The following UBXN11 variants were observed in gnomAD, a reference collection of about 807,000 sequenced individuals.
UBXN11 encodes the protein UBX domain protein 11.
In UBXN11, 47 loss-of-function variants were observed where a neutral mutation model predicts 62.8. The ratio of observed to expected loss-of-function variants is 0.75; its 90% CI spans 0.59 to 0.95. The LOEUF (loss-of-function observed/expected upper bound fraction) is 0.95. Among genes scored for constraint, UBXN11 ranks in the 40% least tolerant of loss-of-function variants. The probability of loss-of-function intolerance (pLI) is 0.00; values close to 1 mark genes in which losing one functional copy is unlikely to be tolerated. For synonymous variants in UBXN11, 294 were observed against 267.0 expected (o/e 1.10, Z -0.99); for missense variants, 638 against 661.7 (o/e 0.96, Z 0.39).
intron 3 of UBXN11, 91 bp from the exon 4 acceptor site, chr1:26,301,115 G>A (rs2073523705): frequency 6.3e-7 from 1 of 1,599,274 alleles, no homozygotes; most frequent in African/African-American, 1.3e-5. Context: ...CGCGGCCTAT[G>A]CACTGTGCCC....
upstream of UBXN11, among the ~76,000 whole-genome samples, chr1:26,310,675 C>T (rs2124680423): frequency 6.7e-6 from 1 of 148,790 alleles, no homozygotes; most frequent in Non-Finnish European, 1.5e-5. Flanking sequence ...TTGCAGTGAG[C>T]CAAGATTGCG....
At chr1:26,294,372 A>G (rs2073345780) in intron 7 of UBXN11, 41 bp from the exon 8 acceptor site, 1 of 1,605,858 alleles carries the variant, frequency 6.2e-7, no homozygotes, top group Non-Finnish European at 8.5e-7. Context: ...CCGTCAGCTC[A>G]GCCCCTTCCC....
At chr1:26,309,484 C>T (rs539946495), upstream of UBXN11, among the ~76,000 whole-genome samples, 28 of 151,980 alleles carry the variant, frequency 1.8e-4, no homozygotes, top group African/African-American at 6.3e-4. Flanking sequence ...ATGATCTACC[C>T]GCCTCAGCCT....
chr1:26,290,086 C>CG (rs2073224025), intron 8 of UBXN11, among the ~76,000 whole-genome samples: 1 of 152,218 alleles, frequency 6.6e-6, no homozygotes, highest in African/African-American at 2.4e-5. Context: ...CATTGAGCTA[C>CG]GCACCACCCT....
intron 1 of UBXN11, among the ~76,000 whole-genome samples, chr1:26,303,958 C>T (rs777566530): frequency 6.6e-6 from 1 of 152,136 alleles, no homozygotes; most frequent in African/African-American, 2.4e-5. Flanking sequence ...AGGACATAAT[C>T]GAAGGCTACT....
Position 26,282,292 on chromosome 1 carries a change from G to T in UBXN11, c.*7C>A. On this transcript the variant is annotated 3_prime_UTR_variant, in exon 15 of 15. Transcript: ENST00000374222. The stretch of plus-strand genomic sequence containing the variant: ...TGGCGGAGCAGCGGGTTGAGGGGGC[G>T]GGTGCTTTATTGGGGGCTGGGACTG... 6.8e-7 allele frequency: 1 copy of T among 1,479,582 alleles called. No homozygotes were observed. Among genetic ancestry groups the T allele is most frequent in the South Asian group, 1.4e-5 (1 of 70,478 alleles). 91.7% of individuals were successfully genotyped at this position (1,479,582 alleles called of 1,614,324 possible).
At chr1:26,292,525 A>C (rs1310921903) in intron 8 of UBXN11, among the ~76,000 whole-genome samples, 2 of 151,688 alleles carry the variant, frequency 1.3e-5, no homozygotes, top group African/African-American at 4.9e-5. Flanking sequence ...CAAAAAATAA[A>C]AAGAAAAATA....
intron 7 of UBXN11, among the ~76,000 whole-genome samples, chr1:26,296,501 A>G (rs958600655): frequency 6.6e-6 from 1 of 152,210 alleles, no homozygotes; most frequent in Non-Finnish European, 1.5e-5. Flanking sequence ...CAGCAACAGC[A>G]CGGCCCAAGG....
At chr1:26,290,514 C>T (rs930104365) in intron 8 of UBXN11, among the ~76,000 whole-genome samples, 2 of 152,078 alleles carry the variant, frequency 1.3e-5, no homozygotes, top group African/African-American at 2.4e-5. Flanking sequence ...GCGGGCAAGG[C>T]GCTCTGTGGG....
rs60348644 is a variant in UBXN11, at chr1:26,311,688, G to A, written c.-148-4984C>T. The stretch of plus-strand genomic sequence containing the variant: ...AAACTCCTGACCTCGTGATCCGCCC[G>A]CCTCGGCCTCCCAGAGTGTTGGGAT... On this transcript the variant is annotated intron_variant, in intron 1 of 14. Transcript: ENST00000374217. Among the ~76,000 whole-genome samples, 163 of 152,244 alleles carry A rather than the reference G, an allele frequency of 1.1e-3. 2 individuals are homozygous for A. In the East Asian group the frequency reaches 0.024, roughly 23 times the overall value.
At chr1:26,312,200 G>C (rs988034623) in intron 1 of UBXN11, among the ~76,000 whole-genome samples, 1 of 151,868 alleles carries the variant, frequency 6.6e-6, no homozygotes, top group African/African-American at 2.4e-5. Context: ...CCACTCCCCT[G>C]CAAGCAGAAC....
At chr1:26,284,922 T>C (rs1248302428) in intron 10 of UBXN11, 9 of 1,003,182 alleles carry the variant, frequency 9.0e-6, no homozygotes, top group Non-Finnish European at 1.1e-5. Flanking sequence ...TGACTCATGC[T>C]GTTTCCTGAG....
intron 10 of UBXN11, 163 bp from the exon 11 acceptor site, chr1:26,284,645 G>A: frequency 4.3e-6 from 6 of 1,385,204 alleles, no homozygotes; most frequent in East Asian, 2.8e-5. Flanking sequence ...GGTTCGTACT[G>A]CTGTCATCTC....
At position 26,285,858 on chromosome 1, in the gene UBXN11, C is replaced by T. The variant is rs776733262; in HGVS notation, c.739G>A (p.Gly247Arg). 1.6e-5 allele frequency: 26 copies of T among 1,611,204 alleles called. No individual in the cohort carries two copies. Among genetic ancestry groups the T allele is most frequent in the African/African-American group, 6.7e-5 (5 of 74,892 alleles). ...GGATCGTAGAAGGGCTGGAAGGGCCCGTCGAACATCATGATGCCATTCCGG... is the reference window on the plus strand; with the variant it reads ...GGATCGTAGAAGGGCTGGAAGGGCCTGTCGAACATCATGATGCCATTCCGG... ...LYRNGIMMFD[G>R]PFQPFYDPST... Residue 247 changes from glycine (G) to arginine (R), a missense_variant, in exon 9 of 15, where the codon GGG (glycine) becomes AGG (arginine). Gly to Arg is a moderately radical substitution (Grantham distance 125). Coordinates refer to ENST00000374222, the MANE Select transcript of UBXN11 (RefSeq NM_001389556.1).
At chr1:26,289,774 C>G (rs976926341) in intron 8 of UBXN11, among the ~76,000 whole-genome samples, 1 of 152,300 alleles carries the variant, frequency 6.6e-6, no homozygotes, top group East Asian at 1.9e-4. Flanking sequence ...GGTGGCAGCC[C>G]CTCACTGCAC....
At position 26,284,350 on chromosome 1, in the gene UBXN11, G is replaced by A. The variant is rs2073074611; in HGVS notation, c.973+12C>T. The A allele has an allele frequency of 6.2e-7, 1 of 1,614,080 alleles. No individual in the cohort carries two copies. Among genetic ancestry groups the A allele is most frequent in the Non-Finnish European group, 8.5e-7 (1 of 1,179,968 alleles). ...CCCCAGCCCCCTGGCTCAGCCTGGA[G>A]GCCAAACTCACCTGGGTGCTCCTCC... On this transcript the variant is annotated intron_variant, in intron 11 of 14. Transcript: ENST00000374222.
chr1:26,290,506 G>C lies in UBXN11; in HGVS notation c.559+3699C>G, dbSNP rs538036586. ...CCTGAGCTTCAGAGGGGAGGGAAGCGGGCAAGGCGCTCTGTGGGGACAGAG... is the reference window on the plus strand; with the variant it reads ...CCTGAGCTTCAGAGGGGAGGGAAGCCGGCAAGGCGCTCTGTGGGGACAGAG... On this transcript the variant is annotated intron_variant, in intron 8 of 14. Coordinates refer to ENST00000374222, the MANE Select transcript of UBXN11 (RefSeq NM_001389556.1). 3.0e-4 allele frequency among the ~76,000 whole-genome samples: 45 copies of C among 152,256 alleles called. No individual in the cohort carries two copies. In the South Asian group the frequency reaches 3.5e-3, roughly 12 times the overall value.
chr1:26,309,204 A>T (rs554749182), upstream of UBXN11, among the ~76,000 whole-genome samples: 165 of 148,960 alleles, frequency 1.1e-3, no homozygotes, highest in African/African-American at 4.0e-3. Context: ...AAGTGCTGGG[A>T]TTACAGGCGT....
chr1:26,299,988 C>T (rs901801991), intron 4 of UBXN11, among the ~76,000 whole-genome samples: 10 of 150,770 alleles, frequency 6.6e-5, no homozygotes, highest in Non-Finnish European at 4.4e-5. Flanking sequence ...GAGCAAAACC[C>T]TGTCTCAAAA....
Sources: allele counts gnomAD v4.1 joint callset (sites outside exome capture counted in the v4.1 genomes callset), GRCh38; gene constraint gnomAD v4.1.1; transcripts MANE v1.5; gene names NCBI Gene and HGNC (gene_info 2026-07-23, HGNC 2026-07-21).